The following DNAH9 variants were observed in gnomAD, a reference collection of about 807,000 sequenced individuals.
DNAH9 encodes dynein axonemal heavy chain 9, also known as DNAH9 variant protein.
A neutral mutation model predicts 471.6 loss-of-function variants in DNAH9; 345 were observed. The observed-to-expected ratio is 0.73, with a 90% CI of 0.67 to 0.80. The LOEUF is 0.80. Among genes scored for constraint, DNAH9 ranks in the 30% least tolerant of loss-of-function variants. The probability of loss-of-function intolerance (pLI) is 0.00; values close to 1 mark genes in which losing one functional copy is unlikely to be tolerated. For missense variants in DNAH9, 5,407 were observed against 5,609.2 expected, an observed-to-expected ratio of 0.96 and a Z score of 1.15; for synonymous variants, 2,093 against 2,123.6, an observed-to-expected ratio of 0.99 and a Z score of 0.40.
intron 54 of DNAH9, among the ~76,000 whole-genome samples, chr17:11,880,784 G>A (rs1165573291): frequency 2.6e-5 from 4 of 152,094 alleles, no homozygotes; most frequent in Admixed American, 2.0e-4. Context: ...AGTCGTGCTC[G>A]TTTACTTGGT....
chr17:11,647,320 T>A, intron 12 of DNAH9, 122 bp downstream of exon 12: 1 of 941,714 alleles, frequency 1.1e-6, no homozygotes, highest in Non-Finnish European at 1.6e-6. Context: ...TCGCCCAGGC[T>A]GGAGTGCAGT....
intron 45 of DNAH9, among the ~76,000 whole-genome samples, chr17:11,812,056 C>CATATATATATATATATATATATATATAT (rs371646004): frequency 2.1e-4 from 13 of 63,388 alleles, no homozygotes; most frequent in Admixed American, 4.1e-4. Flanking sequence ...TATATATATA[C>CATATATATATATATATATATATATATAT]ACATACATAC....
rs1174687446 is a variant in DNAH9 at position 11,962,760 on chromosome 17, T to C, written c.13233+504T>C. On this transcript the variant is annotated intron_variant, in intron 68 of 68. Transcript: ENST00000262442. The surrounding 1 kb of genome is among the most constrained non-coding windows in gnomAD (Gnocchi z 4.1). The stretch of plus-strand genomic sequence containing the variant: ...CTCACTGCAACCTCCGCCTCCCGAG[T>C]TCAAGCAATTCTCCTGCCTCACCTC... Among the ~76,000 whole-genome samples, 1 of 151,756 alleles carries C rather than the reference T, an allele frequency of 6.6e-6. No homozygotes were observed. The highest frequency in any genetic ancestry group is 1.5e-5 in the Non-Finnish European group (1 of 67,946).
chr17:11,612,211 CA>C, intron 4 of DNAH9: 1 of 367,170 alleles, frequency 2.7e-6, no homozygotes, highest in South Asian at 3.4e-5. Flanking sequence ...TGACCAACTC[CA>C]GGGTGGTCAT....
chr17:11,893,245 G>A (rs1374852856), intron 58 of DNAH9, among the ~76,000 whole-genome samples: 1 of 149,220 alleles, frequency 6.7e-6, no homozygotes, highest in African/African-American at 2.5e-5. Context: ...TAAGCCAAAG[G>A]CTTTTCTCTC....
Position 11,915,862 on chromosome 17 carries a change from A to G in DNAH9, c.11750-7952A>G, listed in dbSNP as rs1043610867. On this transcript the variant is annotated intron_variant, in intron 61 of 68. Transcript: ENST00000262442. ...CATTTAATACAATTTTAATTTAATC[A>G]TTCTGTTATAATTTTAACTTATGTT... is the stretch of plus-strand genomic sequence containing the variant. 2.6e-5 allele frequency among the ~76,000 whole-genome samples: 4 copies of G among 152,210 alleles called. No individual in the cohort carries two copies. In the East Asian group the frequency reaches 7.7e-4, roughly 29 times the overall value.
At chr17:11,779,090 G>A (rs11870583) in intron 38 of DNAH9, among the ~76,000 whole-genome samples, 24,869 of 151,974 alleles carry the variant, frequency 0.16, 2,526 homozygotes, top group African/African-American at 0.3. Flanking sequence ...TCACCCTGGT[G>A]CAGCAGCTGA....
At chr17:11,653,576 C>T (rs1020991147) in intron 14 of DNAH9, among the ~76,000 whole-genome samples, 2 of 152,152 alleles carry the variant, frequency 1.3e-5, no homozygotes, top group African/African-American at 2.4e-5. Context: ...TTATAAATGG[C>T]CACCAGCTCC....
At chr17:11,678,767 A>G (rs1454635054) in intron 17 of DNAH9, among the ~76,000 whole-genome samples, 1 of 152,056 alleles carries the variant, frequency 6.6e-6, no homozygotes, top group Non-Finnish European at 1.5e-5. Flanking sequence ...TTGATCTTAC[A>G]TTGCGTGTCT....
rs770084105 is a variant in DNAH9, at chr17:11,935,938, A to C, written c.12490-1414A>C. Among the ~76,000 whole-genome samples the C allele has an allele frequency of 6.0e-4, 92 of 152,290 alleles. 1 individual carries two copies. Among genetic ancestry groups the C allele is most frequent in the Admixed American group, 8.5e-4 (13 of 15,294 alleles). On this transcript the variant is annotated intron_variant, in intron 65 of 68. Coordinates refer to ENST00000262442, the MANE Select transcript of DNAH9 (RefSeq NM_001372.4). Reference sequence around the variant, plus strand: ...TTTTAACTACTTCACCAAAGGCAAAAAGGCTTTTCCCGGGAAAATTGTGCA... The same window carrying C: ...TTTTAACTACTTCACCAAAGGCAAACAGGCTTTTCCCGGGAAAATTGTGCA...
rs541340804 is a variant in DNAH9, at chr17:11,894,319, T to C, written c.11284-55T>C. ...ATACTGAGTGACAACCCCTAAGATTTCTAGGACTCTGGCTACAAGCTAAAG... is the reference window on the plus strand; with the variant it reads ...ATACTGAGTGACAACCCCTAAGATTCCTAGGACTCTGGCTACAAGCTAAAG... On this transcript the variant is annotated intron_variant, in intron 58 of 68. Transcript: ENST00000262442. The C allele has an allele frequency of 4.3e-5, 69 of 1,601,320 alleles. No homozygotes were observed. The African/African-American group carries it at 7.4e-4, about 17-fold the overall frequency.
At chr17:11,882,034 T>C (rs1972743042) in intron 55 of DNAH9, among the ~76,000 whole-genome samples, 1 of 152,226 alleles carries the variant, frequency 6.6e-6, no homozygotes, top group Admixed American at 6.5e-5. Context: ...GGAATGAAAT[T>C]CTACAAGGGT....
chr17:11,796,217 T>C (rs1969233209), intron 42 of DNAH9, among the ~76,000 whole-genome samples: 1 of 152,216 alleles, frequency 6.6e-6, no homozygotes, highest in Non-Finnish European at 1.5e-5. Context: ...TGAGAACTGA[T>C]TCCCAGGACA....
chr17:11,704,066 G>C, intron 24 of DNAH9, 137 bp from the exon 25 acceptor site: 1 of 966,866 alleles, frequency 1.0e-6, no homozygotes, highest in Non-Finnish European at 1.6e-6. Context: ...GGTTCACTTA[G>C]TCAGTGCTGG....
chr17:11,694,705 T>G lies in DNAH9; in HGVS notation c.4872+258T>G, dbSNP rs1368084480. Reference sequence around the variant, plus strand: ...CGCTTTCTCGCTTTCTCGCTTTCTCTCTCTCTCTCTCTCTCTCTCTCTTTC... The same window carrying G: ...CGCTTTCTCGCTTTCTCGCTTTCTCGCTCTCTCTCTCTCTCTCTCTCTTTC... On this transcript the variant is annotated intron_variant, in intron 22 of 68. Transcript: ENST00000262442. Among the ~76,000 whole-genome samples, 9 of 2,764 alleles carry G rather than the reference T, an allele frequency of 3.3e-3. 3 individuals are homozygous for G. Among genetic ancestry groups the G allele is most frequent in the African/African-American group, 4.8e-3 (9 of 1,894 alleles). The allele number at this position is 2,764 out of a possible 152,430, so 1.8% of individuals were successfully genotyped here.
chr17:11,916,835 T>C (rs1262115902), intron 61 of DNAH9, among the ~76,000 whole-genome samples: 2 of 152,214 alleles, frequency 1.3e-5, no homozygotes, highest in Non-Finnish European at 2.9e-5. Context: ...TCCTTGGTCC[T>C]TCCTCCACCC....
At chr17:11,696,560 C>G (rs529453143) in intron 22 of DNAH9, among the ~76,000 whole-genome samples, 2 of 152,180 alleles carry the variant, frequency 1.3e-5, no homozygotes, top group East Asian at 3.9e-4. Flanking sequence ...AAGCAGCAGA[C>G]AAGAGCTTCT....
At position 11,705,088 on chromosome 17, in the gene DNAH9, A is replaced by G. The variant is rs768936107; in HGVS notation, c.5455A>G (p.Lys1819Glu). 1 of 1,614,212 alleles carries G rather than the reference A, an allele frequency of 6.2e-7. No individual in the cohort carries two copies. The highest frequency in any genetic ancestry group is 8.5e-7 in the Non-Finnish European group (1 of 1,180,014). ...QLRHRWDDEV[K>E]HCFANICDAQ... is the part of the protein sequence containing the mutation. ...GCGCCATCGTTGGGATGACGAGGTCAAACACTGCTTTGCCAACATCTGTGA... is the reference window on the plus strand; with the variant it reads ...GCGCCATCGTTGGGATGACGAGGTCGAACACTGCTTTGCCAACATCTGTGA... The change falls in exon 26 of 69, where the codon AAA (lysine) becomes GAA (glutamate). Residue 1819 changes from lysine (K) to glutamate (E), a missense_variant. Lys to Glu is a moderately conservative substitution (Grantham distance 56). Coordinates refer to ENST00000262442, the MANE Select transcript of DNAH9 (RefSeq NM_001372.4).
intron 26 of DNAH9, chr17:11,705,435 A>T: frequency 2.3e-6 from 1 of 438,286 alleles, no homozygotes; most frequent in Non-Finnish European, 4.2e-6. Flanking sequence ...TACACACCCG[A>T]GTTCTAACAC....
Sources: allele counts gnomAD v4.1 joint callset (sites outside exome capture counted in the v4.1 genomes callset), GRCh38; gene constraint gnomAD v4.1.1; non-coding constraint Gnocchi (gnomAD v3.1); transcripts MANE v1.5; gene names NCBI Gene and HGNC (gene_info 2026-07-23, HGNC 2026-07-21).